The following COQ8A variants were observed in gnomAD, a reference collection of about 807,000 sequenced individuals.
COQ8A encodes atypical kinase COQ8A, mitochondrial.
A neutral mutation model predicts 65.0 loss-of-function variants in COQ8A; 51 were observed. The observed-to-expected ratio is 0.78, with a 90% confidence interval of 0.63 to 0.99. The LOEUF is 0.99. COQ8A is among the 50% of genes least tolerant of loss of function. The pLI is 0.00. For missense variants in COQ8A, 940 were observed against 875.0 expected, an observed-to-expected ratio of 1.07 and a Z score of -0.94; for synonymous variants, 371 against 353.2, an observed-to-expected ratio of 1.05 and a Z score of -0.57.
chr1:226,982,351 GA>G, intron 6 of COQ8A: 1 of 780,070 alleles, frequency 1.3e-6, no homozygotes, highest in Non-Finnish European at 2.0e-6. Context: ...GAGCAGAGAG[GA>G]AAAATTGCTC....
At chr1:226,968,792 G>A (rs964361854) in intron 4 of COQ8A, among the ~76,000 whole-genome samples, 2 of 152,164 alleles carry the variant, frequency 1.3e-5, no homozygotes, top group Admixed American at 6.5e-5. Flanking sequence ...GCTGAAATGG[G>A]GGCGGGGCAT....
intron 8 of COQ8A, 137 bp downstream of exon 8, chr1:226,983,171 T>G: frequency 7.7e-7 from 1 of 1,293,134 alleles, no homozygotes. Context: ...TGGTGTCTTC[T>G]GGCCCCAGTG....
intron 13 of COQ8A, 143 bp downstream of exon 13, chr1:226,985,084 C>T (rs777926965): frequency 1.5e-5 from 20 of 1,314,388 alleles, no homozygotes; most frequent in Admixed American, 5.3e-5. Context: ...CTGGTGACAG[C>T]AGGCAGTTAG....
At chr1:226,942,319 CTAGGAGGG>C (rs1264236645) in intron 1 of COQ8A, among the ~76,000 whole-genome samples, 1 of 151,816 alleles carries the variant, frequency 6.6e-6, no homozygotes, top group African/African-American at 2.4e-5. Flanking sequence ...ACCTGTGCAC[CTAGGAGGG>C]CAGAGGCAAA....
intron 8 of COQ8A, chr1:226,983,260 G>A (rs1659830272): frequency 1.4e-6 from 1 of 730,770 alleles, no homozygotes; most frequent in South Asian, 1.9e-5. Context: ...CAGCAAGCTT[G>A]ATTTGGGGTG....
intron 13 of COQ8A, 36 bp from the exon 14 acceptor site, chr1:226,985,218 A>T (rs376477868): frequency 3.1e-6 from 5 of 1,606,274 alleles, no homozygotes; most frequent in Non-Finnish European, 4.3e-6. Flanking sequence ...TGAGCTTTTC[A>T]TGCTGCCCAC....
In COQ8A at chr1:226,984,581, G is replaced by A; in HGVS notation, c.1432G>A (p.Glu478Lys). Residue 478 changes from glutamate (E) to lysine (K), a missense_variant, in exon 12 of 15, where the codon GAG (glutamate) becomes AAG (lysine). Glu to Lys is a moderately conservative substitution (Grantham distance 56). Coordinates refer to ENST00000366777, the MANE Select transcript of COQ8A (RefSeq NM_020247.5). Reference protein sequence around the residue: ...CYNILVLCLRELFEFHFMQTD... With the variant: ...CYNILVLCLRKLFEFHFMQTD... ...CAACATCCTGGTTCTGTGCCTGAGG[G>A]AGCTGTTCGAGTTCCACTTCATGCA... 1 of 1,614,116 alleles carries A rather than the reference G, an allele frequency of 6.2e-7. No homozygotes were observed.
In COQ8A at chr1:226,966,833, C is replaced by T. The variant is rs542450327; in HGVS notation, c.655+1096C>T. The stretch of plus-strand genomic sequence containing the variant: ...GCAGAGGCTCACGTACTGTGCTCCC[C>T]GAGAGCCTGGTATTCTGGGAGCTGC... On this transcript the variant is annotated intron_variant, in intron 4 of 14. Coordinates refer to ENST00000366777, the MANE Select transcript of COQ8A (RefSeq NM_020247.5). Among the ~76,000 whole-genome samples the T allele has an allele frequency of 9.9e-5, 15 of 152,244 alleles. 1 individual carries two copies. In the South Asian group the frequency reaches 1.9e-3, roughly 19 times the overall value.
At chr1:226,978,946 A>ACAC (rs1659526051) in intron 5 of COQ8A, among the ~76,000 whole-genome samples, 1 of 137,860 alleles carries the variant, frequency 7.3e-6, no homozygotes, top group Non-Finnish European at 1.6e-5. Context: ...ACACACCCAC[A>ACAC]CACCTTACCC....
At chr1:226,983,460 C>T (rs975368766) in intron 8 of COQ8A, 92 bp from the exon 9 acceptor site, 1 of 1,226,646 alleles carries the variant, frequency 8.2e-7, no homozygotes, top group African/African-American at 1.5e-5. Flanking sequence ...CAGGACACAG[C>T]TGGGAAGCCA....
At chr1:226,963,096 A>T (rs1365035649) in intron 2 of COQ8A, among the ~76,000 whole-genome samples, 2 of 152,104 alleles carry the variant, frequency 1.3e-5, no homozygotes, top group Admixed American at 6.5e-5. Flanking sequence ...CCTTAGCCCT[A>T]ATGGCGAGCA....
Position 226,949,343 on chromosome 1 carries a change from T to C in COQ8A, c.-10+8944T>C, listed in dbSNP as rs1657237971. 6.6e-6 allele frequency among the ~76,000 whole-genome samples: 1 copy of C among 152,034 alleles called. No individual in the cohort carries two copies. Among genetic ancestry groups the C allele is most frequent in the Admixed American group, 6.6e-5 (1 of 15,256 alleles). ...TTGGCATGATGAACGTGGGTTTTTT[T>C]ATAGGGAGAGGAATCTGGCAGGAGA... On this transcript the variant is annotated intron_variant, in intron 1 of 14. Coordinates refer to ENST00000366777, the MANE Select transcript of COQ8A (RefSeq NM_020247.5). The surrounding 1 kb of genome is among the most constrained non-coding windows in gnomAD (Gnocchi z 4.0).
Position 226,986,789 on chromosome 1 carries a change from G to A in COQ8A, c.*52G>A, listed in dbSNP as rs1332567733. On this transcript the variant is annotated 3_prime_UTR_variant, in exon 15 of 15. Coordinates refer to ENST00000366777, the MANE Select transcript of COQ8A (RefSeq NM_020247.5). Reference sequence around the variant, plus strand: ...CCGCGGGAACTCTCTCCCTCAGACAGGCCAAAAACCAGTAGCGAGGTCGTG... The same window carrying A: ...CCGCGGGAACTCTCTCCCTCAGACAAGCCAAAAACCAGTAGCGAGGTCGTG... 5 of 1,590,784 alleles carry A rather than the reference G, an allele frequency of 3.1e-6. No individual in the cohort carries two copies. Among genetic ancestry groups the A allele is most frequent in the Non-Finnish European group, 4.3e-6 (5 of 1,172,596 alleles).
At chr1:226,977,348 C>A in intron 4 of COQ8A, 101 bp from the exon 5 acceptor site, 1 of 1,127,170 alleles carries the variant, frequency 8.9e-7, no homozygotes, top group Non-Finnish European at 1.3e-6. Flanking sequence ...GCCCCTGGTG[C>A]AAGCGGTGTC....
At chr1:226,948,997 G>A (rs1470964714) in intron 1 of COQ8A, among the ~76,000 whole-genome samples, 1 of 152,140 alleles carries the variant, frequency 6.6e-6, no homozygotes, top group African/African-American at 2.4e-5. Flanking sequence ...AGAGGAAACA[G>A]GTCAGAGATG....
At chr1:226,978,423 ACACCCACCTCT>A (rs1439078939) in intron 5 of COQ8A, among the ~76,000 whole-genome samples, 1 of 112,346 alleles carries the variant, frequency 8.9e-6, no homozygotes, top group Non-Finnish European at 1.8e-5. Context: ...CACCCTCCAC[ACACCCACCTCT>A]CACCCACACA....
intron 1 of COQ8A, among the ~76,000 whole-genome samples, chr1:226,957,307 C>G (rs1381484056): frequency 8.2e-6 from 1 of 122,304 alleles, no homozygotes; most frequent in Non-Finnish European, 1.7e-5. Flanking sequence ...CTCCCTGGTT[C>G]ACACTTTGCC....
chr1:226,953,215 A>G (rs971070178), intron 1 of COQ8A, among the ~76,000 whole-genome samples: 2 of 152,016 alleles, frequency 1.3e-5, no homozygotes, highest in African/African-American at 4.8e-5. Flanking sequence ...TTTTTAGTAG[A>G]GATGGGGTTT....
At chr1:226,975,543 A>G (rs527537463) in intron 4 of COQ8A, among the ~76,000 whole-genome samples, 2 of 152,382 alleles carry the variant, frequency 1.3e-5, no homozygotes, top group South Asian at 4.1e-4. Context: ...TAAGTAAATT[A>G]TACTATTAGA....
Sources: gnomAD v4.1 joint callset for allele counts (sites outside exome capture counted in the v4.1 genomes callset) on GRCh38, gnomAD v4.1.1 for gene constraint, Gnocchi (gnomAD v3.1) non-coding constraint, MANE v1.5 for transcripts, NCBI Gene and HGNC (gene_info 2026-07-23, HGNC 2026-07-21) for gene names.